SERP1: variants seen among roughly 807,000 people sequenced by gnomAD.
SERP1 encodes the protein stress associated endoplasmic reticulum protein 1.
Under a neutral mutation model 8.8 loss-of-function variants are expected in SERP1, and 6 were observed. The ratio of observed to expected loss-of-function variants is 0.68; its 90% CI spans 0.37 to 1.35. SERP1 has a LOEUF of 1.35. Ranked by LOEUF, SERP1 falls within the 40% of genes most tolerant of loss-of-function variation. The pLI, the probability that SERP1 is intolerant of heterozygous loss-of-function variation, is 0.02. For synonymous variants in SERP1, 36 were observed against 28.7 expected (o/e 1.25, Z -0.81); for missense variants, 52 against 86.2 (o/e 0.60, Z 1.57).
At position 150,542,298 on chromosome 3, in the gene SERP1, AAGG is replaced by A. The variant is rs1300994353; in HGVS notation, c.*2157_*2159del. 1 of 152,238 alleles carries A rather than the reference AAGG, an allele frequency of 6.6e-6. No individual in the cohort carries two copies. The highest frequency in any genetic ancestry group is 1.5e-5 in the Non-Finnish European group (1 of 68,026). The allele number at this position is 152,238 out of a possible 1,614,324, so 9.4% of individuals were successfully genotyped here. ...TCATCTTGAGCTTGAATTGGATGAC[AAGG>A]AGATTAGGAAATCCTAAGTGGAAAA... On this transcript the variant is annotated 3_prime_UTR_variant, in exon 3 of 3. Coordinates refer to ENST00000239944, the MANE Select transcript of SERP1 (RefSeq NM_014445.4).
rs1723020522 is a variant in SERP1 at position 150,546,362 on chromosome 3, A to G, written c.-227T>C. ...GACTGACCGAGCGGGGCAGGTGCGC[A>G]GGAGGAAGAGAACTGGCCGCCGGGT... On this transcript the variant is annotated 5_prime_UTR_variant, in exon 1 of 3. Transcript: ENST00000239944. 3 of 577,072 alleles carry G rather than the reference A, an allele frequency of 5.2e-6. No homozygotes were observed. The Admixed American group carries it at 1.1e-4, about 20-fold the overall frequency. 35.7% of individuals were successfully genotyped at this position (577,072 alleles called of 1,614,324 possible).
intron 1 of SERP1, 100 bp downstream of exon 1, chr3:150,545,952 C>A: frequency 6.6e-7 from 1 of 1,506,232 alleles, no homozygotes; most frequent in Non-Finnish European, 9.1e-7. Flanking sequence ...ACGGCACCAG[C>A]CCACGGTCGG....
chr3:150,545,969 C>G, intron 1 of SERP1, 83 bp downstream of exon 1: 2 of 1,566,774 alleles, frequency 1.3e-6, no homozygotes, highest in South Asian at 2.2e-5. Flanking sequence ...TCGGCCGGAT[C>G]CGGGAGAAAA....
In SERP1 at chr3:150,546,164, A is replaced by ACC. The variant is rs373638210; in HGVS notation, c.-31_-30dup. 0.031 allele frequency: 50,670 copies of ACC among 1,609,132 alleles called. 894 individuals carry two copies. The highest frequency in any genetic ancestry group is 0.042 in the Middle Eastern group (253 of 6,052). On this transcript the variant is annotated 5_prime_UTR_variant, in exon 1 of 3. Transcript: ENST00000239944. ...CGCGGCGCCACCACCTGCCCCGGCCACCCCTCGGACTCGCTCACTCGCCTG... is the reference window on the plus strand; with the variant it reads ...CGCGGCGCCACCACCTGCCCCGGCCACCCCCCTCGGACTCGCTCACTCGCCTG...
intron 1 of SERP1, 53 bp downstream of exon 1, chr3:150,545,999 C>A: frequency 6.2e-7 from 1 of 1,605,298 alleles, no homozygotes. Flanking sequence ...GCCCCAGGGA[C>A]CCGGACTCAG....
Position 150,543,633 on chromosome 3 carries a change from T to C in SERP1, c.*825A>G, listed in dbSNP as rs915109406. 5 of 152,616 alleles carry C rather than the reference T, an allele frequency of 3.3e-5. No individual in the cohort carries two copies. The highest frequency in any genetic ancestry group is 1.2e-4 in the African/African-American group (5 of 41,450). 9.5% of individuals were successfully genotyped at this position (152,616 alleles called of 1,614,324 possible). A position where few individuals can be genotyped will look rare whatever the true frequency, so the allele number is the denominator to read the frequency against. ...TTTTTCCCTAGAATTTTGTTTGGCA[T>C]AGTAAACCCCTTTGATATATTAAAA... On this transcript the variant is annotated 3_prime_UTR_variant, in exon 3 of 3. Transcript: ENST00000239944.
intron 1 of SERP1, 56 bp from the exon 2 acceptor site, chr3:150,545,834 C>A: frequency 6.5e-7 from 1 of 1,527,712 alleles, no homozygotes; most frequent in South Asian, 1.2e-5. Flanking sequence ...GGACCCCAGG[C>A]TCCCACGCCT....
chr3:150,545,434 A>G (rs1242984301), intron 2 of SERP1: 4 of 474,248 alleles, frequency 8.4e-6, no homozygotes, highest in African/African-American at 5.9e-5. Context: ...GTCCGGTCTT[A>G]ACATTTATTC....
Position 150,546,355 on chromosome 3 carries a change from G to T in SERP1, c.-220C>A. On this transcript the variant is annotated 5_prime_UTR_variant, in exon 1 of 3. The change creates a new upstream start codon in the 5' untranslated region. Coordinates refer to ENST00000239944, the MANE Select transcript of SERP1 (RefSeq NM_014445.4). ...GCCGACTGACTGACCGAGCGGGGCA[G>T]GTGCGCAGGAGGAAGAGAACTGGCC... 1.7e-6 allele frequency: 1 copy of T among 585,348 alleles called. No homozygotes were observed. Among genetic ancestry groups the T allele is most frequent in the Non-Finnish European group, 3.0e-6 (1 of 338,562 alleles). The allele number at this position is 585,348 out of a possible 1,614,324, so 36.3% of individuals were successfully genotyped here.
At chr3:150,545,639 A>C (rs1576581966) in intron 2 of SERP1, 64 bp downstream of exon 2, 2 of 1,493,970 alleles carry the variant, frequency 1.3e-6, no homozygotes, top group Non-Finnish European at 1.8e-6. Context: ...CTGACCGGTC[A>C]CCACGTCATC....
In SERP1 at chr3:150,546,396, C is replaced by T; in HGVS notation, c.-261G>A. ...AGAACTGGCCGCCGGGTCGTTCTCG[C>T]GCCGCCGTCGCCGCCGCTTTGGCCG... On this transcript the variant is annotated 5_prime_UTR_variant, in exon 1 of 3. Transcript: ENST00000239944. 1.8e-6 allele frequency: 1 copy of T among 557,308 alleles called. No homozygotes were observed. The highest frequency in any genetic ancestry group is 2.3e-5 in the South Asian group (1 of 43,930). 34.5% of individuals were successfully genotyped at this position (557,308 alleles called of 1,614,324 possible). A position where few individuals can be genotyped will look rare whatever the true frequency, so the allele number is the denominator to read the frequency against.
Position 150,546,183 on chromosome 3 carries a change from T to A in SERP1, c.-48A>T. The A allele has an allele frequency of 6.3e-7, 1 of 1,595,476 alleles. No homozygotes were observed. The highest frequency in any genetic ancestry group is 8.6e-7 in the Non-Finnish European group (1 of 1,168,612). ...CCGGCCACCCCTCGGACTCGCTCACTCGCCTGCCTCCTCTGGAGCCGCTGC... is the reference window on the plus strand; with the variant it reads ...CCGGCCACCCCTCGGACTCGCTCACACGCCTGCCTCCTCTGGAGCCGCTGC... On this transcript the variant is annotated 5_prime_UTR_variant, in exon 1 of 3. Transcript: ENST00000239944.
In SERP1 at chr3:150,546,301, G is replaced by A; in HGVS notation, c.-166C>T. ...CGCTGGGCCTGGGCGCCGCAAGCGC[G>A]AGGTCTGAGCACAAGCCGGGCGCCG... is the stretch of plus-strand genomic sequence containing the variant. On this transcript the variant is annotated 5_prime_UTR_variant, in exon 1 of 3. Transcript: ENST00000239944. The A allele has an allele frequency of 2.7e-6, 2 of 732,478 alleles. No homozygotes were observed. The highest frequency in any genetic ancestry group is 3.7e-5 in the South Asian group (2 of 53,760). 45.4% of individuals were successfully genotyped at this position (732,478 alleles called of 1,614,324 possible). A position where few individuals can be genotyped will look rare whatever the true frequency, so the allele number is the denominator to read the frequency against.
At position 150,544,192 on chromosome 3, in the gene SERP1, CTGAA is replaced by C; in HGVS notation, c.*262_*265del. ...CATAAAAAAACTTACTCTTAATTGA[CTGAA>C]TAAGTAGGGTCCACTACTGTATCTT... On this transcript the variant is annotated 3_prime_UTR_variant, in exon 3 of 3. Coordinates refer to ENST00000239944, the MANE Select transcript of SERP1 (RefSeq NM_014445.4). 2.6e-6 allele frequency: 1 copy of C among 388,378 alleles called. No individual in the cohort carries two copies. The highest frequency in any genetic ancestry group is 4.6e-6 in the Non-Finnish European group (1 of 215,850). 24.1% of individuals were successfully genotyped at this position (388,378 alleles called of 1,614,324 possible).
At chr3:150,544,671 A>G (rs1234943782) in intron 2 of SERP1, among the ~76,000 whole-genome samples, 173 bp from the exon 3 acceptor site, 2 of 152,236 alleles carry the variant, frequency 1.3e-5, no homozygotes, top group East Asian at 3.8e-4. Flanking sequence ...AAATAAAACA[A>G]TGAAATATCC....
Position 150,546,265 on chromosome 3 carries a change from C to G in SERP1, c.-130G>C. 1 of 1,022,770 alleles carries G rather than the reference C, an allele frequency of 9.8e-7. No individual in the cohort carries two copies. The highest frequency in any genetic ancestry group is 1.5e-5 in the South Asian group (1 of 66,004). The allele number at this position is 1,022,770 out of a possible 1,614,324, so 63.4% of individuals were successfully genotyped here. A position where few individuals can be genotyped will look rare whatever the true frequency, so the allele number is the denominator to read the frequency against. On this transcript the variant is annotated 5_prime_UTR_variant, in exon 1 of 3. Coordinates refer to ENST00000239944, the MANE Select transcript of SERP1 (RefSeq NM_014445.4). ...AGCGCCGAGGTTCTCAGGCCAGACG[C>G]TAGCTACGGCCGCTGGGCCTGGGCG...
rs1013577042 is a variant in SERP1, at chr3:150,543,590, C to T, written c.*868G>A. 1 of 152,572 alleles carries T rather than the reference C, an allele frequency of 6.6e-6. No homozygotes were observed. The highest frequency in any genetic ancestry group is 2.1e-4 in the South Asian group (1 of 4,832). The allele number at this position is 152,572 out of a possible 1,614,324, so 9.5% of individuals were successfully genotyped here. On this transcript the variant is annotated 3_prime_UTR_variant, in exon 3 of 3. Transcript: ENST00000239944. ...GACTCAACAGCATGTTCTGATGAGG[C>T]ATCCATTTTTAGCAGTATTTTTCCC...
rs200866187 is a variant in SERP1 at position 150,546,141 on chromosome 3, C to T, written c.-6G>A. The T allele has an allele frequency of 4.5e-4, 732 of 1,612,726 alleles. 9 individuals are homozygous for T. The East Asian group carries it at 0.012, about 26-fold the overall frequency. ...ATCCTTTGCTTGGCGACCATCTTCG[C>T]GGCGCCACCACCTGCCCCGGCCACC... On this transcript the variant is annotated 5_prime_UTR_variant, in exon 1 of 3. Coordinates refer to ENST00000239944, the MANE Select transcript of SERP1 (RefSeq NM_014445.4).
chr3:150,545,651 C>G, intron 2 of SERP1, 52 bp downstream of exon 2: 1 of 1,550,306 alleles, frequency 6.5e-7, no homozygotes, highest in Non-Finnish European at 8.8e-7. Context: ...CACGTCATCC[C>G]AAATCCTTTC....
Sources: allele counts gnomAD v4.1 joint callset (sites outside exome capture counted in the v4.1 genomes callset), GRCh38; gene constraint gnomAD v4.1.1; transcripts MANE v1.5; gene names NCBI Gene and HGNC (gene_info 2026-07-23, HGNC 2026-07-21).